RBM17: variants seen among roughly 807,000 people sequenced by gnomAD.
The protein encoded by RBM17 is splicing factor 45.
A neutral mutation model predicts 53.2 loss-of-function variants in RBM17; 7 were observed. The observed-to-expected ratio is 0.13, with a 90% CI of 0.07 to 0.25. The LOEUF is 0.25. Ranked by LOEUF, RBM17 falls within the 10% of genes least tolerant of loss-of-function variation. The probability of loss-of-function intolerance (pLI) is 1.00; values close to 1 mark genes in which losing one functional copy is unlikely to be tolerated. For synonymous variants in RBM17, 167 were observed against 178.1 expected (o/e 0.94, Z 0.50); for missense variants, 257 against 496.7 (o/e 0.52, Z 4.59).
chr10:6,107,672 G>A (rs1382178343), intron 5 of RBM17, among the ~76,000 whole-genome samples: 1 of 151,390 alleles, frequency 6.6e-6, no homozygotes, highest in Non-Finnish European at 1.5e-5. Flanking sequence ...AGTAGAGATG[G>A]GGTTTCACCA....
intron 2 of RBM17, 101 bp downstream of exon 2, chr10:6,097,289 T>G: frequency 8.3e-7 from 1 of 1,204,606 alleles, no homozygotes; most frequent in Middle Eastern, 2.0e-4. Context: ...GCCTTTGTAT[T>G]GGGTAAATGG....
In RBM17 at chr10:6,117,067, G is replaced by T. The variant is rs1840931352; in HGVS notation, c.*1511G>T. On this transcript the variant is annotated 3_prime_UTR_variant, in exon 12 of 12. Coordinates refer to ENST00000379888, the MANE Select transcript of RBM17 (RefSeq NM_032905.5). ...ACCGGAGTGTGCTTGTTTAATTTTA[G>T]AAACTAATGGTTCCAACCCACCTTT... is the stretch of plus-strand genomic sequence containing the variant. 1 of 77,164 alleles carries T rather than the reference G, an allele frequency of 1.3e-5. No homozygotes were observed. Among genetic ancestry groups the T allele is most frequent in the Non-Finnish European group, 2.9e-5 (1 of 34,936 alleles). The allele number at this position is 77,164 out of a possible 1,614,324, so 4.8% of individuals were successfully genotyped here. A position where few individuals can be genotyped will look rare whatever the true frequency, so the allele number is the denominator to read the frequency against.
chr10:6,095,241 C>T (rs896483901), intron 1 of RBM17, among the ~76,000 whole-genome samples: 5 of 151,574 alleles, frequency 3.3e-5, no homozygotes, highest in Non-Finnish European at 7.4e-5. Flanking sequence ...TTGGCGGAGT[C>T]TTTATCTGTC....
intron 5 of RBM17, among the ~76,000 whole-genome samples, chr10:6,106,775 T>C (rs905575846): frequency 4.6e-5 from 7 of 152,182 alleles, no homozygotes; most frequent in Non-Finnish European, 8.8e-5. Context: ...TAAGGACATT[T>C]GTTTTTTTTT....
intron 1 of RBM17, among the ~76,000 whole-genome samples, chr10:6,094,194 G>A (rs1840533999): frequency 6.6e-6 from 1 of 152,028 alleles, no homozygotes; most frequent in Admixed American, 6.5e-5. Context: ...TAGCCAGGAT[G>A]GTCTCGATCT....
chr10:6,117,433 TTATG>T lies in RBM17; in HGVS notation c.*1880_*1883del, dbSNP rs758035390. On this transcript the variant is annotated 3_prime_UTR_variant, in exon 12 of 12. Transcript: ENST00000379888. ...TTTAAATTTCAATAAAAATTAAAAA[TTATG>T]TAAGCTACAATGTAACTGGCAAGTT... 2.0e-5 allele frequency: 3 copies of T among 152,188 alleles called. No individual in the cohort carries two copies. The East Asian group carries it at 5.8e-4, about 29-fold the overall frequency. 9.4% of individuals were successfully genotyped at this position (152,188 alleles called of 1,614,324 possible). A position where few individuals can be genotyped will look rare whatever the true frequency, so the allele number is the denominator to read the frequency against.
chr10:6,106,982 G>T (rs781414628), intron 5 of RBM17, among the ~76,000 whole-genome samples: 35 of 152,108 alleles, frequency 2.3e-4, no homozygotes, highest in Non-Finnish European at 2.8e-4. Flanking sequence ...GAGCTAATCT[G>T]CTTTTCAGAA....
At chr10:6,113,058 G>A (rs1046895068) in intron 8 of RBM17, 20 of 176,252 alleles carry the variant, frequency 1.1e-4, no homozygotes, top group African/African-American at 3.8e-4. Flanking sequence ...GATACATCAC[G>A]AGCCTGACAG....
chr10:6,100,503 AT>A (rs1840654751), intron 2 of RBM17, among the ~76,000 whole-genome samples: 1 of 152,248 alleles, frequency 6.6e-6, no homozygotes, highest in South Asian at 2.1e-4. Context: ...CCAGGTAGTT[AT>A]TAGACAGATC....
intron 7 of RBM17, 82 bp downstream of exon 7, chr10:6,110,209 G>T: frequency 1.5e-6 from 2 of 1,304,086 alleles, no homozygotes; most frequent in Non-Finnish European, 1.0e-6. Flanking sequence ...CAGCTTGTTT[G>T]AAACTGAGGA....
chr10:6,097,959 A>G (rs1840601170), intron 2 of RBM17, among the ~76,000 whole-genome samples: 1 of 152,214 alleles, frequency 6.6e-6, no homozygotes, highest in Non-Finnish European at 1.5e-5. Flanking sequence ...TTGAGGGCTC[A>G]GGTTGATTGT....
chr10:6,104,851 CCATACG>C, intron 3 of RBM17, 74 bp from the exon 4 acceptor site: 1 of 1,200,052 alleles, frequency 8.3e-7, no homozygotes, highest in Non-Finnish European at 1.2e-6. Context: ...CTTTTATCTC[CCATACG>C]CTTTGACCTG....
At chr10:6,090,190 C>G (rs151107990) in intron 1 of RBM17, among the ~76,000 whole-genome samples, 2 of 152,212 alleles carry the variant, frequency 1.3e-5, no homozygotes, top group East Asian at 3.9e-4. Flanking sequence ...CCTTATTTTG[C>G]TAGAGCCAGG....
At chr10:6,114,956 C>G in intron 10 of RBM17, 1 of 372,996 alleles carries the variant, frequency 2.7e-6, no homozygotes, top group Non-Finnish European at 4.8e-6. Flanking sequence ...TGTTTGTTGA[C>G]CACATAATTA....
intron 1 of RBM17, among the ~76,000 whole-genome samples, chr10:6,094,273 C>T (rs1015379484): frequency 3.3e-5 from 5 of 152,146 alleles, no homozygotes; most frequent in Non-Finnish European, 7.3e-5. Flanking sequence ...ACACCGCACC[C>T]GGCCTGGTGT....
In RBM17 at chr10:6,098,556, G is replaced by GTTTTTTTT. The variant is rs1221504658; in HGVS notation, c.123+1374_123+1375insTTTTTTTT. Among the ~76,000 whole-genome samples, 29 of 87,972 alleles carry GTTTTTTTT rather than the reference G, an allele frequency of 3.3e-4. 5 individuals carry two copies. The highest frequency in any genetic ancestry group is 8.5e-4 in the African/African-American group (21 of 24,764). The allele number at this position is 87,972 out of a possible 152,430, so 57.7% of individuals were successfully genotyped here. On this transcript the variant is annotated intron_variant, in intron 2 of 11. Transcript: ENST00000379888. ...GTTTGAAAATTTCCGTAATACACAGGTTTTTTGTTTTTTTTTTTTTTTTTT... is the reference window on the plus strand; with the variant it reads ...GTTTGAAAATTTCCGTAATACACAGGTTTTTTTTTTTTTTGTTTTTTTTTTTTTTTTTT...
chr10:6,115,246 G>A lies in RBM17; in HGVS notation c.1037G>A (p.Gly346Asp). 6.2e-7 allele frequency: 1 copy of A among 1,612,488 alleles called. No individual in the cohort carries two copies. ...GCTCTCATTTTCTTCCAGATTCCTG[G>A]TGCCCCTGATGATGAAGCAGTACGG... ...VGKCVIFEIP[G>D]APDDEAVRIF... is the part of the protein sequence containing the mutation. Residue 346 changes from glycine (G) to aspartate (D), a missense_variant, in exon 11 of 12, where the codon GGT (glycine) becomes GAT (aspartate). Physicochemically the swap from Gly to Asp is moderately conservative, Grantham distance 94 (BLOSUM62 -1). This residue lies in a region of RBM17 where 49 missense variants were observed against 114.8 expected (regional missense o/e 0.43). Transcript: ENST00000379888.
chr10:6,104,447 A>G (rs917704105), intron 3 of RBM17, among the ~76,000 whole-genome samples: 1 of 152,246 alleles, frequency 6.6e-6, no homozygotes, highest in African/African-American at 2.4e-5. Flanking sequence ...AAGACCAAGA[A>G]GATGCTTTCT....
In RBM17 at chr10:6,106,166, A is replaced by G. The variant is rs1261514695; in HGVS notation, c.433A>G (p.Ser145Gly). ...EKRRKDRHEA[S>G]GFARRPDPDS... The stretch of plus-strand genomic sequence containing the variant: ...AAGGCGTAAAGACAGACATGAAGCA[A>G]GTGGGTTTGCAAGGAGACCAGATCC... Residue 145 changes from serine (S) to glycine (G), a missense_variant, in exon 5 of 12, where the codon AGT (serine) becomes GGT (glycine). Ser to Gly is a moderately conservative substitution (Grantham distance 56). Coordinates refer to ENST00000379888, the MANE Select transcript of RBM17 (RefSeq NM_032905.5). 1 of 1,613,730 alleles carries G rather than the reference A, an allele frequency of 6.2e-7. No individual in the cohort carries two copies. Among genetic ancestry groups the G allele is most frequent in the Non-Finnish European group, 8.5e-7 (1 of 1,179,660 alleles).
Sources: gnomAD v4.1 joint callset for allele counts (sites outside exome capture counted in the v4.1 genomes callset) on GRCh38, gnomAD v4.1.1 for gene constraint, gnomAD v4.1.1 regional missense constraint, MANE v1.5 for transcripts, NCBI Gene and HGNC (gene_info 2026-07-23, HGNC 2026-07-21) for gene names.